The following PPP6R2 variants were observed in gnomAD, a reference collection of about 807,000 sequenced individuals.
The protein encoded by PPP6R2 is protein phosphatase 6 regulatory subunit 2, also known as serine/threonine-protein phosphatase 6 regulatory subunit 2.
PPP6R2 carries 62 observed loss-of-function variants against 100.2 expected under a neutral mutation model. The observed-to-expected ratio is 0.62, with a 90% CI of 0.50 to 0.76. The LOEUF (loss-of-function observed/expected upper bound fraction) is 0.76, where lower values mean the gene tolerates loss of function less well. PPP6R2 is among the 30% of genes least tolerant of loss of function. The probability of loss-of-function intolerance (pLI) is 0.00; values close to 1 mark genes in which losing one functional copy is unlikely to be tolerated. For missense variants in PPP6R2, 1,142 were observed against 1,276.3 expected (o/e 0.89, Z 1.60); for synonymous variants, 525 against 514.7 (o/e 1.02, Z -0.27).
At chr22:50,380,797 GGCTA>G (rs2052718557) in intron 2 of PPP6R2, among the ~76,000 whole-genome samples, 1 of 150,982 alleles carries the variant, frequency 6.6e-6, no homozygotes, top group Non-Finnish European at 1.5e-5. Context: ...AGACCATCCT[GGCTA>G]ACACAGTGAA....
At chr22:50,335,678 A>ATTTTTTTTTTTTTT in the PPP6R2 span, among the ~76,000 whole-genome samples, 2 of 128,944 alleles carry the variant, frequency 1.6e-5, no homozygotes. Flanking sequence ...CACCCAACTA[A>ATTTTTTTTTTTTTT]TTTTTTTTTT....
the PPP6R2 span, among the ~76,000 whole-genome samples, chr22:50,333,804 C>T: frequency 6.6e-6 from 1 of 152,140 alleles, no homozygotes; most frequent in South Asian, 2.1e-4. Context: ...ACCACCAAGA[C>T]ATGGAGACCG....
chr22:50,438,252 G>C lies in PPP6R2; in HGVS notation c.1918G>C (p.Glu640Gln), dbSNP rs1405958104. The stretch of plus-strand genomic sequence containing the variant: ...TGATGATGAGGACGAGGACATCTGG[G>C]AGGACAGTGACACTCGCTGTGCTGC... ...FDDDEDEDIWEDSDTRCAARV... is the reference protein window; with the variant it reads ...FDDDEDEDIWQDSDTRCAARV... The change falls in exon 18 of 24, where the codon GAG becomes CAG. Residue 640 changes from glutamate to glutamine, a missense_variant. This residue lies in a region of PPP6R2 where 550 missense variants were observed against 517.4 expected (regional missense o/e 1.06). Transcript: ENST00000612753. 5.0e-6 allele frequency: 8 copies of C among 1,613,906 alleles called. No individual in the cohort carries two copies. The South Asian group carries it at 8.8e-5, about 18-fold the overall frequency.
At chr22:50,426,719 A>G (rs1400388644) in intron 10 of PPP6R2, among the ~76,000 whole-genome samples, 1 of 151,730 alleles carries the variant, frequency 6.6e-6, no homozygotes, top group African/African-American at 2.4e-5. Context: ...CTGTAATCCC[A>G]GCTACTTGGG....
chr22:50,351,048 T>G (rs1304737831), intron 1 of PPP6R2, among the ~76,000 whole-genome samples: 11 of 130,790 alleles, frequency 8.4e-5, no homozygotes, highest in South Asian at 3.0e-4. Context: ...TTTTTTTTTT[T>G]TTTTTTTTTG....
At chr22:50,408,950 A>G (rs1263177875) in intron 4 of PPP6R2, among the ~76,000 whole-genome samples, 1 of 152,236 alleles carries the variant, frequency 6.6e-6, no homozygotes, top group African/African-American at 2.4e-5. Flanking sequence ...CCCCGTCTCT[A>G]CTAAAAATAC....
At chr22:50,348,324 A>C (rs1315031139) in intron 1 of PPP6R2, among the ~76,000 whole-genome samples, 2 of 152,072 alleles carry the variant, frequency 1.3e-5, no homozygotes, top group South Asian at 2.1e-4. Flanking sequence ...AAGTGTTGGG[A>C]GCTGGGTGTA....
upstream of PPP6R2, among the ~76,000 whole-genome samples, chr22:50,338,933 TGTGTGGGTGTGTAGGGTGTGGTGG>T: frequency 7.5e-6 from 1 of 133,500 alleles, no homozygotes; most frequent in South Asian, 2.5e-4. Context: ...GTATGTGGTG[TGTGTGGGTGTGTAGGGTGTGGTGG>T]GTGTGTAGGG....
chr22:50,390,982 G>A (rs796831525), intron 2 of PPP6R2, among the ~76,000 whole-genome samples: 75 of 148,368 alleles, frequency 5.1e-4, no homozygotes, highest in African/African-American at 1.9e-3. Context: ...CTGGGTGAGA[G>A]AGCAAAACTC....
intron 1 of PPP6R2, among the ~76,000 whole-genome samples, chr22:50,363,942 T>A (rs1218525884): frequency 6.6e-6 from 1 of 151,694 alleles, no homozygotes; most frequent in African/African-American, 2.4e-5. Flanking sequence ...TCGCCCAGGC[T>A]GGAGTACAGT....
intron 1 of PPP6R2, among the ~76,000 whole-genome samples, chr22:50,346,841 A>C (rs2043877299): frequency 9.0e-6 from 1 of 110,756 alleles, no homozygotes; most frequent in Non-Finnish European, 1.7e-5. Context: ...CCAGTCAATT[A>C]TTTTCTTTCT....
chr22:50,339,480 GTGGT>G (rs2042343819), upstream of PPP6R2, among the ~76,000 whole-genome samples: 1 of 138,600 alleles, frequency 7.2e-6, no homozygotes, highest in Non-Finnish European at 1.6e-5. Flanking sequence ...TGTGTAGTGT[GTGGT>G]GTGTATAGGG....
intron 1 of PPP6R2, among the ~76,000 whole-genome samples, chr22:50,364,085 C>T (rs556095899): frequency 2.0e-4 from 31 of 151,932 alleles, no homozygotes; most frequent in Middle Eastern, 6.8e-3. Flanking sequence ...TTAGTAGAGA[C>T]GGGGTTGCAC....
At chr22:50,333,170 T>C in the PPP6R2 span, among the ~76,000 whole-genome samples, 62,652 of 151,750 alleles carry the variant, frequency 0.41, 14,990 homozygotes, top group African/African-American at 0.65. Context: ...TTAGCACTTC[T>C]GTTAAAAAAA....
intron 2 of PPP6R2, among the ~76,000 whole-genome samples, chr22:50,392,701 A>G (rs961661992): frequency 6.6e-6 from 1 of 152,186 alleles, no homozygotes; most frequent in Non-Finnish European, 1.5e-5. Context: ...GAAAGCAGCC[A>G]GGTAGGTATC....
chr22:50,443,669 A>T, intron 22 of PPP6R2, 197 bp from the exon 23 acceptor site: 1 of 688,254 alleles, frequency 1.5e-6, no homozygotes, highest in Non-Finnish European at 2.4e-6. Context: ...AGCTTGTCCC[A>T]GTACTTGGAA....
chr22:50,421,805 T>C (rs1276955560), intron 8 of PPP6R2, among the ~76,000 whole-genome samples: 1 of 151,790 alleles, frequency 6.6e-6, no homozygotes, highest in Non-Finnish European at 1.5e-5. Flanking sequence ...GAGGTGGAGG[T>C]TGCAGTGAGC....
chr22:50,419,357 G>C lies in PPP6R2; in HGVS notation c.740G>C (p.Cys247Ser), dbSNP rs376193660. ...CTGTGTGTGTCCAGCAGGCAGGACT[G>C]TGTGGAGCAGCTTCTGAAGAACATG... The part of the protein sequence containing the change: ...PLLTALESQD[C>S]VEQLLKNMFD... The change falls in exon 8 of 24, where the codon TGT becomes TCT. Residue 247 changes from cysteine to serine, a missense_variant. Cys to Ser is a moderately radical substitution (Grantham distance 112). Coordinates refer to ENST00000612753, the MANE Select transcript of PPP6R2 (RefSeq NM_001242898.2). 2 of 1,614,004 alleles carry C rather than the reference G, an allele frequency of 1.2e-6. No individual in the cohort carries two copies. Among genetic ancestry groups the C allele is most frequent in the Non-Finnish European group, 8.5e-7 (1 of 1,179,974 alleles).
chr22:50,424,937 G>T (rs547833427), intron 10 of PPP6R2, among the ~76,000 whole-genome samples: 4 of 152,268 alleles, frequency 2.6e-5, no homozygotes, highest in African/African-American at 9.6e-5. Context: ...ACTGCACCCA[G>T]CCCCTTTTCC....
Sources: gnomAD v4.1 joint callset for allele counts (sites outside exome capture counted in the v4.1 genomes callset) on GRCh38, gnomAD v4.1.1 for gene constraint, gnomAD v4.1.1 regional missense constraint, MANE v1.5 for transcripts, NCBI Gene and HGNC (gene_info 2026-07-23, HGNC 2026-07-21) for gene names.